FANCI: variants seen among roughly 807,000 people sequenced by gnomAD.
The protein encoded by FANCI is Fanconi anemia group I protein.
In FANCI, 156 loss-of-function variants were observed where a neutral mutation model predicts 176.1. The ratio of observed to expected loss-of-function variants is 0.89; its 90% CI spans 0.78 to 1.01. The LOEUF (loss-of-function observed/expected upper bound fraction) is 1.01. FANCI is among the 50% of genes least tolerant of loss of function. FANCI has a pLI of 0.00. For synonymous variants in FANCI, 613 were observed against 541.7 expected (o/e 1.13, Z -1.83); for missense variants, 1,678 against 1,534.1 (o/e 1.09, Z -1.57).
chr15:89,305,399 C>T lies in FANCI; in HGVS notation c.3245C>T (p.Pro1082Leu). The change falls in exon 30 of 38, where the codon CCC (proline) becomes CTC (leucine). Residue 1082 changes from proline (P) to leucine (L), a missense_variant. Physicochemically the swap from Pro to Leu is moderately conservative, Grantham distance 98. Transcript: ENST00000310775. ...FAIVNLRTAA[P>L]TVCLLVLSQA... ...ATAGTGAATTTGAGAACGGCTGCCCCCACTGTCTGTGTAAGTGTTGTACCT... is the reference window on the plus strand; with the variant it reads ...ATAGTGAATTTGAGAACGGCTGCCCTCACTGTCTGTGTAAGTGTTGTACCT... 1.2e-6 allele frequency: 2 copies of T among 1,613,528 alleles called. No homozygotes were observed. Among genetic ancestry groups the T allele is most frequent in the East Asian group, 2.2e-5 (1 of 44,876 alleles).
intron 23 of FANCI, among the ~76,000 whole-genome samples, chr15:89,294,643 A>C (rs942270701): frequency 5.0e-5 from 7 of 139,970 alleles, no homozygotes; most frequent in Non-Finnish European, 1.1e-4. Context: ...ACAAAAAAAA[A>C]CCTAAAAGAC....
chr15:89,283,239 A>G lies in FANCI; in HGVS notation c.1687A>G (p.Ser563Gly). ...ATCCTCTCAGTGCAGTCAGTCTCTCAGTGTCAGTCAGGTAAGGATTATTTA... is the reference window on the plus strand; with the variant it reads ...ATCCTCTCAGTGCAGTCAGTCTCTCGGTGTCAGTCAGGTAAGGATTATTTA... ...LSSSQCSQSL[S>G]VSQVHVDVHS... Residue 563 changes from serine to glycine, a missense_variant, in exon 17 of 38, where the codon AGT (serine) becomes GGT (glycine). Physicochemically the swap from Ser to Gly is moderately conservative, Grantham distance 56. Coordinates refer to ENST00000310775, the MANE Select transcript of FANCI (RefSeq NM_001113378.2). 6.2e-7 allele frequency: 1 copy of G among 1,614,016 alleles called. No individual in the cohort carries two copies. Among genetic ancestry groups the G allele is most frequent in the South Asian group, 1.1e-5 (1 of 91,076 alleles).
intron 35 of FANCI, among the ~76,000 whole-genome samples, chr15:89,313,998 C>T (rs1464000463): frequency 1.3e-4 from 20 of 149,198 alleles, no homozygotes; most frequent in African/African-American, 3.5e-4. Flanking sequence ...CACACACACA[C>T]ACACAAATGT....
At chr15:89,254,925 C>A (rs1309675264) in intron 2 of FANCI, among the ~76,000 whole-genome samples, 1 of 152,150 alleles carries the variant, frequency 6.6e-6, no homozygotes, top group African/African-American at 2.4e-5. Context: ...TTGAACCAGA[C>A]AAGAAATACC....
At chr15:89,307,897 T>C (rs954777135) in intron 34 of FANCI, 42 of 1,414,876 alleles carry the variant, frequency 3.0e-5, no homozygotes, top group Admixed American at 2.6e-4. Context: ...GAAGCATATA[T>C]GTTTGCATTT....
At chr15:89,260,596 TA>T in intron 3 of FANCI, 116 bp from the exon 4 acceptor site, 2 of 1,329,134 alleles carry the variant, frequency 1.5e-6, no homozygotes, top group Non-Finnish European at 2.1e-6. Flanking sequence ...AGCACCGTAG[TA>T]ATCAGTCGTT....
In FANCI at chr15:89,261,804, A is replaced by G. The variant is rs768395269; in HGVS notation, c.446-17A>G. The G allele has an allele frequency of 6.2e-6, 10 of 1,613,984 alleles. No homozygotes were observed. The highest frequency in any genetic ancestry group is 4.5e-5 in the East Asian group (2 of 44,862). The stretch of plus-strand genomic sequence containing the variant: ...CACATAATCAAATTCATTGCTCAGT[A>G]TATTTTGCATTTCTAGGTGTACTGA... On this transcript the variant is annotated splice_polypyrimidine_tract_variant and intron_variant, in intron 5 of 37. Coordinates refer to ENST00000310775, the MANE Select transcript of FANCI (RefSeq NM_001113378.2).
chr15:89,305,079 A>G lies in FANCI; in HGVS notation c.3059-36A>G, dbSNP rs1167934103. 8 of 1,611,674 alleles carry G rather than the reference A, an allele frequency of 5.0e-6. No individual in the cohort carries two copies. In the Admixed American group the frequency reaches 1.0e-4, roughly 20 times the overall value. On this transcript the variant is annotated intron_variant, in intron 28 of 37. Transcript: ENST00000310775. Reference sequence around the variant, plus strand: ...GCGTGAGCCACTGCACTTGGCCACAACTTACCTTTTAATTTGCTTTTCTTC... The same window carrying G: ...GCGTGAGCCACTGCACTTGGCCACAGCTTACCTTTTAATTTGCTTTTCTTC...
At chr15:89,303,063 AAT>A (rs1401955472) in intron 27 of FANCI, among the ~76,000 whole-genome samples, 1 of 152,112 alleles carries the variant, frequency 6.6e-6, no homozygotes, top group Non-Finnish European at 1.5e-5. Context: ...CTTCCAAGTA[AAT>A]ATAGAGTTTT....
intron 2 of FANCI, 41 bp downstream of exon 2, chr15:89,247,772 G>A: frequency 3.2e-6 from 5 of 1,553,400 alleles, no homozygotes; most frequent in Non-Finnish European, 4.4e-6. Context: ...GTAAATGTCA[G>A]GCATGATGAC....
At chr15:89,263,271 A>T (rs1461207609) in intron 6 of FANCI, 148 bp from the exon 7 acceptor site, 1 of 668,394 alleles carries the variant, frequency 1.5e-6, no homozygotes, top group South Asian at 1.8e-5. Flanking sequence ...CTGCTATTTC[A>T]TTGTTTTAAA....
intron 9 of FANCI, among the ~76,000 whole-genome samples, chr15:89,265,673 G>A (rs542455419): frequency 4.6e-5 from 7 of 151,612 alleles, no homozygotes; most frequent in African/African-American, 9.7e-5. Context: ...GCAGGCATGC[G>A]CCACCACGCC....
Position 89,306,130 on chromosome 15 carries a change from G to A in FANCI, c.3473G>A (p.Cys1158Tyr). The A allele has an allele frequency of 6.2e-7, 1 of 1,614,176 alleles. No homozygotes were observed. The highest frequency in any genetic ancestry group is 8.5e-7 in the Non-Finnish European group (1 of 1,180,036). Reference sequence around the variant, plus strand: ...CAGACAGCTCTGCCATCAGGCAGCTGTGTGGACACCTTGTTAAAGGACTTG... The same window carrying A: ...CAGACAGCTCTGCCATCAGGCAGCTATGTGGACACCTTGTTAAAGGACTTG... ...LVQTALPSGS[C>Y]VDTLLKDLCK... Residue 1158 changes from cysteine to tyrosine, a missense_variant, in exon 32 of 38, where the codon TGT becomes TAT. Transcript: ENST00000310775.
At chr15:89,314,848 CCTTT>C in intron 36 of FANCI, 141 bp downstream of exon 36, 3 of 469,552 alleles carry the variant, frequency 6.4e-6, no homozygotes, top group South Asian at 2.3e-5. Flanking sequence ...CCCCCCCCCC[CCTTT>C]TTTTTTTTGA....
rs2054160356 is a variant in FANCI, at chr15:89,293,937, A to G, written c.2396A>G (p.Lys799Arg). ...AGKAKTKMANKTSDSLLSMKF... is the reference protein window; with the variant it reads ...AGKAKTKMANRTSDSLLSMKF... ...AAAGCCAAAACTAAAATGGCCAACA[A>G]GACAAGTGATAGTCTTTTGTCCATG... Residue 799 changes from lysine (K) to arginine (R), a missense_variant, in exon 23 of 38, where the codon AAG (lysine) becomes AGG (arginine). Coordinates refer to ENST00000310775, the MANE Select transcript of FANCI (RefSeq NM_001113378.2). The G allele has an allele frequency of 1.9e-6, 3 of 1,614,084 alleles. No individual in the cohort carries two copies. The highest frequency in any genetic ancestry group is 2.5e-6 in the Non-Finnish European group (3 of 1,180,050).
intron 20 of FANCI, among the ~76,000 whole-genome samples, 192 bp from the exon 21 acceptor site, chr15:89,292,496 G>T (rs1193957968): frequency 6.6e-6 from 1 of 152,130 alleles, no homozygotes; most frequent in Non-Finnish European, 1.5e-5. Context: ...ATTTTCGGGG[G>T]GAAGCATTAG....
chr15:89,290,942 A>G (rs2054041213), intron 19 of FANCI, among the ~76,000 whole-genome samples: 2 of 152,334 alleles, frequency 1.3e-5, no homozygotes, highest in African/African-American at 4.8e-5. Flanking sequence ...TTGATCCTAT[A>G]TAAAATTTAT....
rs201017038 is a variant in FANCI at position 89,306,010 on chromosome 15, A to G, written c.3353A>G (p.Glu1118Gly). The change falls in exon 32 of 38, where the codon GAG becomes GGG. Residue 1118 changes from glutamate (E) to glycine (G), a missense_variant. Physicochemically the swap from Glu to Gly is moderately conservative, Grantham distance 98. Coordinates refer to ENST00000310775, the MANE Select transcript of FANCI (RefSeq NM_001113378.2). ...GQVSQETLSE[E>G]ASSQATLPNQ... Reference sequence around the variant, plus strand: ...TGCCAATTTTATTTCCCTTTAGAAGAGGCCTCTTCTCAGGCAACCCTACCA... The same window carrying G: ...TGCCAATTTTATTTCCCTTTAGAAGGGGCCTCTTCTCAGGCAACCCTACCA... 14 of 1,614,174 alleles carry G rather than the reference A, an allele frequency of 8.7e-6. No homozygotes were observed. In the South Asian group the frequency reaches 1.2e-4, roughly 14 times the overall value.
At chr15:89,283,036 A>G (rs1348528894) in intron 16 of FANCI, 100 bp from the exon 17 acceptor site, 6 of 1,123,486 alleles carry the variant, frequency 5.3e-6, no homozygotes, top group Non-Finnish European at 6.7e-6. Context: ...CATTGTTTAT[A>G]CATATGCCTT....
Sources: gnomAD v4.1 joint callset for allele counts (sites outside exome capture counted in the v4.1 genomes callset) on GRCh38, gnomAD v4.1.1 for gene constraint, MANE v1.5 for transcripts, NCBI Gene and HGNC (gene_info 2026-07-23, HGNC 2026-07-21) for gene names.